NKAIN2: variants seen among roughly 807,000 people sequenced by gnomAD.
NKAIN2 encodes the protein sodium/potassium-transporting ATPase subunit beta-1-interacting protein 2.
A neutral mutation model predicts 32.6 loss-of-function variants in NKAIN2; 14 were observed. The observed-to-expected ratio is 0.43, with a 90% CI of 0.28 to 0.67. The LOEUF (loss-of-function observed/expected upper bound fraction) is 0.67, where lower values mean the gene tolerates loss of function less well. Among genes scored for constraint, NKAIN2 ranks in the 30% least tolerant of loss-of-function variants. The probability of loss-of-function intolerance (pLI) is 0.17; values close to 1 mark genes in which losing one functional copy is unlikely to be tolerated. For missense variants in NKAIN2, 198 were observed against 258.3 expected, an observed-to-expected ratio of 0.77 and a Z score of 1.60; for synonymous variants, 80 against 87.2, an observed-to-expected ratio of 0.92 and a Z score of 0.46.
At chr6:124,070,316 G>A (rs1210010667) in intron 1 of NKAIN2, among the ~76,000 whole-genome samples, 4 of 152,188 alleles carry the variant, frequency 2.6e-5, no homozygotes, top group Non-Finnish European at 5.9e-5. Flanking sequence ...CACAGGCTGT[G>A]TGTATAATTC....
intron 4 of NKAIN2, among the ~76,000 whole-genome samples, chr6:124,739,204 G>A (rs1303981841): frequency 6.6e-6 from 1 of 151,816 alleles, no homozygotes; most frequent in Non-Finnish European, 1.5e-5. Context: ...ATGGAACCAG[G>A]ATTCTTTTAT....
chr6:124,458,118 A>G (rs538725069), intron 3 of NKAIN2, among the ~76,000 whole-genome samples: 1 of 152,120 alleles, frequency 6.6e-6, no homozygotes, highest in African/African-American at 2.4e-5. Flanking sequence ...TGTATTTAGC[A>G]TAGCTTATGC....
At chr6:124,283,586 G>A (rs370127698) in intron 2 of NKAIN2, among the ~76,000 whole-genome samples, 33 of 152,280 alleles carry the variant, frequency 2.2e-4, no homozygotes, top group South Asian at 1.9e-3. Flanking sequence ...AATATTTGGC[G>A]TATGAGAAAG....
chr6:124,053,350 C>T lies in NKAIN2; in HGVS notation c.55-229655C>T, dbSNP rs139041624. ...ACAGCTCCAGAGGTGAGGTGGAAAA[C>T]GGTTGAAAGGAAAAAATTGAATACA... On this transcript the variant is annotated intron_variant, in intron 1 of 6. Coordinates refer to ENST00000368417, the MANE Select transcript of NKAIN2 (RefSeq NM_001040214.3). 6.3e-3 allele frequency among the ~76,000 whole-genome samples: 965 copies of T among 152,062 alleles called. 7 individuals carry two copies. Among genetic ancestry groups the T allele is most frequent in the Non-Finnish European group, 7.7e-3 (525 of 67,960 alleles).
chr6:124,483,047 A>AGGAGGCGGAGCTTGCAG (rs537671317), intron 3 of NKAIN2, among the ~76,000 whole-genome samples: 5,792 of 152,068 alleles, frequency 0.038, 141 homozygotes, highest in Non-Finnish European at 0.059. Flanking sequence ...GCGTGAACCC[A>AGGAGGCGGAGCTTGCAG]GGAGGCGGAG....
chr6:124,804,910 T>C (rs1780456023), intron 5 of NKAIN2, among the ~76,000 whole-genome samples: 1 of 152,058 alleles, frequency 6.6e-6, no homozygotes, highest in Non-Finnish European at 1.5e-5. Context: ...CAGTCTGAGA[T>C]CAAACTGCAA....
chr6:123,852,711 G>A (rs535291084), intron 1 of NKAIN2, among the ~76,000 whole-genome samples: 2 of 152,250 alleles, frequency 1.3e-5, no homozygotes, highest in South Asian at 2.1e-4. Context: ...ATAGATGAAC[G>A]TGGAGAACAT....
In NKAIN2 at chr6:124,155,862, T is replaced by C. The variant is rs147637765; in HGVS notation, c.55-127143T>C. Among the ~76,000 whole-genome samples the C allele has an allele frequency of 5.1e-3, 780 of 152,014 alleles. 8 individuals are homozygous for C. The highest frequency in any genetic ancestry group is 0.016 in the African/African-American group (652 of 41,460). The stretch of plus-strand genomic sequence containing the variant: ...AGATAAATGGTGTGATCTCATTTCA[T>C]ATTGTTTCCTTGGTTTTAAATTGCA... On this transcript the variant is annotated intron_variant, in intron 1 of 6. Coordinates refer to ENST00000368417, the MANE Select transcript of NKAIN2 (RefSeq NM_001040214.3).
intron 2 of NKAIN2, among the ~76,000 whole-genome samples, chr6:124,347,514 C>T: frequency 6.6e-6 from 1 of 152,214 alleles, no homozygotes; most frequent in Admixed American, 6.5e-5. Context: ...TCCCATATTT[C>T]TTGGAGGCTT....
At chr6:123,922,019 T>A (rs1775782283) in intron 1 of NKAIN2, among the ~76,000 whole-genome samples, 1 of 152,224 alleles carries the variant, frequency 6.6e-6, no homozygotes, top group Non-Finnish European at 1.5e-5. Flanking sequence ...ACTACGATGC[T>A]GTGCCCATTA....
chr6:124,229,670 G>T (rs899624735), intron 1 of NKAIN2, among the ~76,000 whole-genome samples: 13 of 152,212 alleles, frequency 8.5e-5, no homozygotes, highest in African/African-American at 2.9e-4. Context: ...ATGGAAGTGG[G>T]TCTTTGCCAT....
chr6:124,475,385 G>GT lies in NKAIN2; in HGVS notation c.273+120046dup, dbSNP rs199914033. 1.3e-3 allele frequency among the ~76,000 whole-genome samples: 195 copies of GT among 151,940 alleles called. 3 individuals carry two copies. The East Asian group carries it at 0.03, about 23-fold the overall frequency. ...TATCACCTTCTGAAATAACATAACA[G>GT]TTTTTTTTAAGCTAAGCAAGATGGT... On this transcript the variant is annotated intron_variant, in intron 3 of 6. Coordinates refer to ENST00000368417, the MANE Select transcript of NKAIN2 (RefSeq NM_001040214.3).
At chr6:124,605,878 C>G (rs1174983059) in intron 3 of NKAIN2, among the ~76,000 whole-genome samples, 2 of 151,936 alleles carry the variant, frequency 1.3e-5, no homozygotes, top group South Asian at 4.1e-4. Context: ...TATTAGGGAG[C>G]AGGGGGACAG....
chr6:124,378,454 A>C (rs1037659413), intron 3 of NKAIN2, among the ~76,000 whole-genome samples: 2 of 152,146 alleles, frequency 1.3e-5, no homozygotes, highest in African/African-American at 4.8e-5. Context: ...ACTGAAGGAC[A>C]TCCTGTTCCT....
At chr6:124,573,077 T>A (rs139601317) in intron 3 of NKAIN2, among the ~76,000 whole-genome samples, 2,597 of 152,178 alleles carry the variant, frequency 0.017, 69 homozygotes, top group African/African-American at 0.059. Flanking sequence ...TGACCTCAGG[T>A]GATCCGCCCA....
chr6:124,672,148 C>G (rs963564874), intron 4 of NKAIN2, among the ~76,000 whole-genome samples: 4 of 151,918 alleles, frequency 2.6e-5, no homozygotes, highest in African/African-American at 9.7e-5. Flanking sequence ...AGATATTGCT[C>G]TAGGACTCAG....
chr6:124,141,419 A>G (rs963584477), intron 1 of NKAIN2, among the ~76,000 whole-genome samples: 1 of 152,164 alleles, frequency 6.6e-6, no homozygotes, highest in Non-Finnish European at 1.5e-5. Context: ...TTCAAGTATA[A>G]CAAACATAAA....
At chr6:123,939,597 T>A (rs1776722939) in intron 1 of NKAIN2, among the ~76,000 whole-genome samples, 1 of 152,000 alleles carries the variant, frequency 6.6e-6, no homozygotes, top group African/African-American at 2.4e-5. Context: ...TGCACTCTGA[T>A]ATTTTCTATC....
chr6:123,835,383 T>G (rs1360860177), intron 1 of NKAIN2, among the ~76,000 whole-genome samples: 1 of 152,220 alleles, frequency 6.6e-6, no homozygotes, highest in East Asian at 1.9e-4. Context: ...GTTGTCATTT[T>G]TTAAAAAATA....
Sources: gnomAD v4.1 joint callset for allele counts (sites outside exome capture counted in the v4.1 genomes callset) on GRCh38, gnomAD v4.1.1 for gene constraint, MANE v1.5 for transcripts, NCBI Gene and HGNC (gene_info 2026-07-23, HGNC 2026-07-21) for gene names.